The following CPNE8 variants were observed in gnomAD, a reference collection of about 807,000 sequenced individuals.
The protein encoded by CPNE8 is copine 8, also known as copine-8.
Under a neutral mutation model 81.5 loss-of-function variants are expected in CPNE8, and 45 were observed. That is an observed-to-expected ratio of 0.55 (90% CI 0.44 to 0.71). CPNE8 has a LOEUF of 0.71. Ranked by LOEUF, CPNE8 falls within the 30% of genes least tolerant of loss-of-function variation. The pLI is 0.00. For synonymous variants in CPNE8, 252 were observed against 226.3 expected (o/e 1.11, Z -1.02); for missense variants, 594 against 672.1 (o/e 0.88, Z 1.28).
chr12:38,776,392 T>A (rs761718731), intron 6 of CPNE8, 91 bp from the exon 7 acceptor site: 3 of 363,010 alleles, frequency 8.3e-6, no homozygotes, highest in Non-Finnish European at 9.2e-6. Flanking sequence ...TTTTATGTAC[T>A]CTAATAAAGA....
intron 1 of CPNE8, among the ~76,000 whole-genome samples, chr12:38,893,077 A>G (rs192592297): frequency 5.3e-5 from 8 of 152,324 alleles, no homozygotes; most frequent in African/African-American, 1.9e-4. Context: ...CAAAGGTTTA[A>G]GAGCCTATGT....
intron 3 of CPNE8, among the ~76,000 whole-genome samples, chr12:38,870,527 C>T (rs1393885901): frequency 6.6e-6 from 1 of 152,118 alleles, no homozygotes; most frequent in African/African-American, 2.4e-5. Context: ...TCATTCTCAG[C>T]AAACTAACAC....
At chr12:38,788,375 T>C (rs1400387080) in intron 6 of CPNE8, among the ~76,000 whole-genome samples, 2 of 151,834 alleles carry the variant, frequency 1.3e-5, no homozygotes, top group Non-Finnish European at 2.9e-5. Context: ...TCATTTCAAT[T>C]GATGCTGAAA....
At chr12:38,714,938 T>C (rs11610516) in intron 13 of CPNE8, among the ~76,000 whole-genome samples, 2,374 of 152,198 alleles carry the variant, frequency 0.016, 22 homozygotes, top group Non-Finnish European at 0.025. Flanking sequence ...AATAAGTTCC[T>C]TTGAAGGAAA....
intron 6 of CPNE8, among the ~76,000 whole-genome samples, chr12:38,792,075 T>G (rs1487177591): frequency 6.7e-6 from 1 of 148,742 alleles, no homozygotes; most frequent in Admixed American, 6.7e-5. Context: ...ACTTATGATA[T>G]AGTGAAAGTA....
At chr12:38,722,754 G>T (rs529693693) in intron 13 of CPNE8, among the ~76,000 whole-genome samples, 1 of 152,232 alleles carries the variant, frequency 6.6e-6, no homozygotes, top group Non-Finnish European at 1.5e-5. Context: ...GGGATGATAT[G>T]GTCTGGCTCT....
At chr12:38,846,546 G>A (rs897327729) in intron 4 of CPNE8, among the ~76,000 whole-genome samples, 2 of 152,090 alleles carry the variant, frequency 1.3e-5, no homozygotes, top group Non-Finnish European at 2.9e-5. Flanking sequence ...ACATTGGACC[G>A]GTTCAGCAAC....
At chr12:38,836,956 G>A (rs114508463) in intron 5 of CPNE8, among the ~76,000 whole-genome samples, 1,889 of 152,032 alleles carry the variant, frequency 0.012, 43 homozygotes, top group African/African-American at 0.043. Context: ...CTTCTCTTTC[G>A]ACATCCTTCA....
chr12:38,669,561 G>A (rs1030267737), intron 19 of CPNE8, among the ~76,000 whole-genome samples: 4 of 152,156 alleles, frequency 2.6e-5, no homozygotes, highest in African/African-American at 9.7e-5. Context: ...GATAGAGCAG[G>A]AGCACAGTCA....
At chr12:38,739,015 G>T (rs1340297752) in intron 10 of CPNE8, among the ~76,000 whole-genome samples, 1 of 151,932 alleles carries the variant, frequency 6.6e-6, no homozygotes, top group Non-Finnish European at 1.5e-5. Flanking sequence ...GTTTCACCAT[G>T]TGGGCCAGGC....
intron 2 of CPNE8, 51 bp from the exon 3 acceptor site, chr12:38,873,101 T>C (rs896552747): frequency 2.8e-6 from 3 of 1,055,186 alleles, no homozygotes; most frequent in Middle Eastern, 2.3e-4. Flanking sequence ...ATGAAAATCA[T>C]ATGTGAATGT....
intron 10 of CPNE8, among the ~76,000 whole-genome samples, chr12:38,744,309 A>C (rs1054651512): frequency 6.6e-6 from 1 of 152,162 alleles, no homozygotes. Flanking sequence ...TATTGTCTGG[A>C]TTGTAACTAT....
At chr12:38,758,545 T>C (rs2136842279) in intron 10 of CPNE8, among the ~76,000 whole-genome samples, 1 of 152,274 alleles carries the variant, frequency 6.6e-6, no homozygotes, top group South Asian at 2.1e-4. Context: ...CTATTGGAAG[T>C]GAACTGCCAG....
At chr12:38,761,416 T>C (rs761069784) in intron 9 of CPNE8, among the ~76,000 whole-genome samples, 1 of 152,098 alleles carries the variant, frequency 6.6e-6, no homozygotes, top group Non-Finnish European at 1.5e-5. Flanking sequence ...AGAACTTTCT[T>C]AGGAAAAAAT....
intron 2 of CPNE8, among the ~76,000 whole-genome samples, chr12:38,873,760 T>C (rs754684301): frequency 3.3e-5 from 5 of 152,186 alleles, no homozygotes; most frequent in Non-Finnish European, 7.3e-5. Context: ...CATTTCTAAA[T>C]ATTACAAGAT....
chr12:38,808,610 G>C (rs952076069), intron 6 of CPNE8, among the ~76,000 whole-genome samples: 6 of 115,436 alleles, frequency 5.2e-5, no homozygotes, highest in Admixed American at 3.1e-4. Flanking sequence ...TTGTGGGGTG[G>C]GGGGAGGGGG....
At chr12:38,766,531 C>G (rs1321135043) in intron 8 of CPNE8, among the ~76,000 whole-genome samples, 3 of 152,104 alleles carry the variant, frequency 2.0e-5, no homozygotes, top group African/African-American at 7.2e-5. Flanking sequence ...CCAACAGTTG[C>G]TCAGTAGCTG....
rs149748126 is a variant in CPNE8 at position 38,812,617 on chromosome 12, A to G, written c.407+16762T>C. Among the ~76,000 whole-genome samples the G allele has an allele frequency of 3.0e-3, 456 of 152,270 alleles. 2 individuals are homozygous for G. The highest frequency in any genetic ancestry group is 5.0e-3 in the Non-Finnish European group (338 of 68,028). The stretch of plus-strand genomic sequence containing the variant: ...ACATGTGGGGATTACAGGAACTACA[A>G]TGAGATTTGACTGGGGACATGGCCA... On this transcript the variant is annotated intron_variant, in intron 6 of 19. Coordinates refer to ENST00000331366, the MANE Select transcript of CPNE8 (RefSeq NM_153634.3).
rs922098645 is a variant in CPNE8 at position 38,656,441 on chromosome 12, T to G, written c.1507-2371A>C. On this transcript the variant is annotated intron_variant, in intron 19 of 19. Coordinates refer to ENST00000331366, the MANE Select transcript of CPNE8 (RefSeq NM_153634.3). The stretch of plus-strand genomic sequence containing the variant: ...TGCTTCTCTATGGAAAGGGGAGATC[T>G]CCCCTGCTTCTTTTATCTTACCTTT... Among the ~76,000 whole-genome samples the G allele has an allele frequency of 2.0e-5, 3 of 152,032 alleles. 1 individual carries two copies. In the East Asian group the frequency reaches 5.8e-4, roughly 30 times the overall value.
Sources: gnomAD v4.1 joint callset for allele counts (sites outside exome capture counted in the v4.1 genomes callset) on GRCh38, gnomAD v4.1.1 for gene constraint, MANE v1.5 for transcripts, NCBI Gene and HGNC (gene_info 2026-07-23, HGNC 2026-07-21) for gene names.